The following STXBP4 variants were observed in gnomAD, a reference collection of about 807,000 sequenced individuals.
The protein encoded by STXBP4 is syntaxin binding protein 4.
Under a neutral mutation model 76.1 loss-of-function variants are expected in STXBP4, and 55 were observed. The ratio of observed to expected loss-of-function variants is 0.72; its 90% confidence interval spans 0.58 to 0.91. The LOEUF is 0.91. Ranked by LOEUF, STXBP4 falls within the 40% of genes least tolerant of loss-of-function variation. The pLI is 0.00. For missense variants in STXBP4, 618 were observed against 636.9 expected (o/e 0.97, Z 0.32); for synonymous variants, 201 against 220.2 (o/e 0.91, Z 0.77).
At chr17:54,999,895 T>C (rs1034372743) in intron 6 of STXBP4, 53 bp downstream of exon 6, 20 of 1,131,752 alleles carry the variant, frequency 1.8e-5, no homozygotes, top group Middle Eastern at 2.0e-4. Context: ...AAATTCCCTA[T>C]ACATTTTTAC....
intron 16 of STXBP4, among the ~76,000 whole-genome samples, chr17:55,109,429 G>C (rs1233782462): frequency 6.6e-6 from 1 of 151,956 alleles, no homozygotes; most frequent in Non-Finnish European, 1.5e-5. Flanking sequence ...TATGATAGTA[G>C]ATACAAAGAT....
intron 10 of STXBP4, among the ~76,000 whole-genome samples, chr17:55,034,810 A>G (rs1030878901): frequency 1.3e-5 from 2 of 152,026 alleles, no homozygotes; most frequent in African/African-American, 4.8e-5. Context: ...CTAACAATGT[A>G]GATTGGTTTT....
chr17:55,147,406 C>T (rs979746090), intron 17 of STXBP4, among the ~76,000 whole-genome samples: 1 of 152,172 alleles, frequency 6.6e-6, no homozygotes, highest in East Asian at 1.9e-4. Flanking sequence ...CTCGCTTGCC[C>T]GGAACTCACC....
At chr17:55,193,816 A>G in the STXBP4 span, among the ~76,000 whole-genome samples, 1 of 8,660 alleles carries the variant, frequency 1.2e-4, no homozygotes, top group Admixed American at 5.6e-4. Flanking sequence ...CTGATTTCAG[A>G]AAAAAAAAAA....
At position 54,990,900 on chromosome 17, in the gene STXBP4, G is replaced by T; in HGVS notation, c.123G>T (p.Arg41=). 1 of 1,604,530 alleles carries T rather than the reference G, an allele frequency of 6.2e-7. No individual in the cohort carries two copies. Among genetic ancestry groups the T allele is most frequent in the South Asian group, 1.1e-5 (1 of 89,238 alleles). The change falls in exon 4 of 18, where the codon CGG becomes CGT. Residue 41 remains arginine, a synonymous_variant. Coordinates refer to ENST00000376352, the MANE Select transcript of STXBP4 (RefSeq NM_178509.6). ...TGAAGGTACTAGGAGGAATTAACCG[G>T]AATGAAGGCCCATTGGTATATATTC... ...LGLKVLGGIN[R]NEGPLVYIQE...
intron 17 of STXBP4, among the ~76,000 whole-genome samples, chr17:55,157,227 T>A (rs945622506): frequency 6.6e-6 from 1 of 152,216 alleles, no homozygotes; most frequent in Non-Finnish European, 1.5e-5. Context: ...TTAAAATATA[T>A]ACCAATATTT....
chr17:55,101,404 C>T (rs910231929), intron 16 of STXBP4, among the ~76,000 whole-genome samples: 3 of 152,140 alleles, frequency 2.0e-5, no homozygotes, highest in Admixed American at 2.0e-4. Flanking sequence ...AATTAAGACA[C>T]CAGCCTCCAG....
intron 16 of STXBP4, among the ~76,000 whole-genome samples, chr17:55,102,046 A>G (rs1267549018): frequency 6.6e-6 from 1 of 152,050 alleles, no homozygotes; most frequent in Non-Finnish European, 1.5e-5. Context: ...TTGTACACCC[A>G]TGATGAAAAC....
intron 3 of STXBP4, among the ~76,000 whole-genome samples, chr17:54,990,359 A>G (rs1265602445): frequency 6.6e-6 from 1 of 152,110 alleles, no homozygotes. Context: ...TGTCAGATCA[A>G]TGGCGGCATT....
intron 16 of STXBP4, among the ~76,000 whole-genome samples, chr17:55,127,305 A>G (rs903538684): frequency 1.1e-4 from 16 of 152,200 alleles, no homozygotes; most frequent in African/African-American, 3.6e-4. Context: ...GTTGAGTGGT[A>G]TTCCATTATA....
intron 1 of STXBP4, among the ~76,000 whole-genome samples, chr17:54,979,408 T>C (rs2077517460): frequency 6.6e-6 from 1 of 152,218 alleles, no homozygotes; most frequent in Non-Finnish European, 1.5e-5. Flanking sequence ...TCTGGTTACT[T>C]TATATAGTGT....
rs375276610 is a variant in STXBP4, at chr17:55,034,168, A to G, written c.764A>G (p.Asp255Gly). 2.5e-6 allele frequency: 4 copies of G among 1,611,480 alleles called. No homozygotes were observed. Among genetic ancestry groups the G allele is most frequent in the African/African-American group, 1.3e-5 (1 of 74,868 alleles). ...ADSKGTVSFG[D>G]FVQVARNLFC... ...CTTACTTAAATGTGTTCCATTTTAG[A>G]TTTTGTCCAGGTTGCCAGAAACTTG... Residue 255 changes from aspartate (D) to glycine (G), a missense_variant and splice_region_variant, in exon 10 of 18, where the codon GAT becomes GGT. Transcript: ENST00000376352.
intron 7 of STXBP4, among the ~76,000 whole-genome samples, chr17:55,006,796 A>C (rs1252760073): frequency 6.6e-6 from 1 of 152,222 alleles, no homozygotes; most frequent in Non-Finnish European, 1.5e-5. Flanking sequence ...ACTTGCATTT[A>C]TGGTTTTTTC....
intron 8 of STXBP4, chr17:55,030,908 A>C (rs1161444437): frequency 6.7e-6 from 2 of 296,924 alleles, no homozygotes; most frequent in Non-Finnish European, 1.3e-5. Flanking sequence ...AAATAGTTTG[A>C]TTTTTGGTTC....
At chr17:55,193,899 G>C in the STXBP4 span, among the ~76,000 whole-genome samples, 1 of 150,346 alleles carries the variant, frequency 6.7e-6, no homozygotes, top group Non-Finnish European at 1.5e-5. Flanking sequence ...ATCTCAGGAA[G>C]AAGAAGCATT....
intron 8 of STXBP4, chr17:55,030,667 G>C (rs557571880): frequency 6.6e-6 from 1 of 152,538 alleles, no homozygotes; most frequent in Non-Finnish European, 1.5e-5. Flanking sequence ...CCTGATGAAA[G>C]AGAGAAGTAA....
rs368034265 is a variant in STXBP4 at position 55,049,434 on chromosome 17, G to A, written c.1011+2280G>A. On this transcript the variant is annotated intron_variant, in intron 12 of 17. Transcript: ENST00000376352. ...AAAAGATGCAAATTTTTTAATGGGA[G>A]GATAAGAAAGAAAAAAGAGGAAAAC... Among the ~76,000 whole-genome samples, 51 of 151,804 alleles carry A rather than the reference G, an allele frequency of 3.4e-4. 2 individuals are homozygous for A. The highest frequency in any genetic ancestry group is 8.9e-4 in the African/African-American group (37 of 41,490).
At chr17:54,980,099 CA>C (rs1167322747) in intron 1 of STXBP4, among the ~76,000 whole-genome samples, 2 of 152,010 alleles carry the variant, frequency 1.3e-5, no homozygotes, top group Non-Finnish European at 2.9e-5. Flanking sequence ...TAATTTTTAA[CA>C]AAAATATAAC....
In STXBP4 at chr17:54,989,226, G is replaced by A. The variant is rs191248698; in HGVS notation, c.48-1599G>A. On this transcript the variant is annotated intron_variant, in intron 3 of 17. Coordinates refer to ENST00000376352, the MANE Select transcript of STXBP4 (RefSeq NM_178509.6). ...GGGTTCACGCCATTCTCCTGCCTCA[G>A]CCTCCTGAGCAGCTGGTACTATAGG... Among the ~76,000 whole-genome samples the A allele has an allele frequency of 4.6e-5, 7 of 152,266 alleles. No individual in the cohort carries two copies. In the East Asian group the frequency reaches 1.4e-3, roughly 29 times the overall value.
Sources: allele counts gnomAD v4.1 joint callset (sites outside exome capture counted in the v4.1 genomes callset), GRCh38; gene constraint gnomAD v4.1.1; transcripts MANE v1.5; gene names NCBI Gene and HGNC (gene_info 2026-07-23, HGNC 2026-07-21).